The following AFF2 variants were observed in gnomAD, a reference collection of about 807,000 sequenced individuals.
The protein encoded by AFF2 is ALF transcription elongation factor 2, also known as AF4/FMR2 family member 2.
In AFF2, 14 loss-of-function variants were observed where a neutral mutation model predicts 76.9. That is an observed-to-expected ratio of 0.18 (90% confidence interval 0.12 to 0.28). The LOEUF is 0.28. Ranked by LOEUF, AFF2 falls within the 10% of genes least tolerant of loss-of-function variation. The pLI is 1.00. For synonymous variants in AFF2, 398 were observed against 366.7 expected (o/e 1.09, Z -0.98); for missense variants, 868 against 1,001.1 (o/e 0.87, Z 1.79).
intron 3 of AFF2, among the ~76,000 whole-genome samples, chrX:148,680,588 G>A (rs1394406202): frequency 8.9e-6 from 1 of 112,045 alleles, no homozygotes; most frequent in Non-Finnish European, 1.9e-5. Flanking sequence ...CTTATCATAT[G>A]CAGAGTATGG....
At position 148,662,426 on chromosome X, in the gene AFF2, C is replaced by A. The variant is rs2054316988; in HGVS notation, c.699C>A (p.Ile233=). Residue 233 remains isoleucine (I), a synonymous_variant, in exon 3 of 21, where the codon ATC becomes ATA. Coordinates refer to ENST00000370460, the MANE Select transcript of AFF2 (RefSeq NM_002025.4). ...GTGGAGAAGATGCTTTCAAAGAAATCTTTCAATCCAATTCACCGGAAGAAT... is the reference window on the plus strand; with the variant it reads ...GTGGAGAAGATGCTTTCAAAGAAATATTTCAATCCAATTCACCGGAAGAAT... ...NSSGEDAFKE[I]FQSNSPEESE... The A allele has an allele frequency of 1.7e-6, 2 of 1,210,388 alleles. No individual in the cohort carries two copies. Among genetic ancestry groups the A allele is most frequent in the African/African-American group, 3.5e-5 (2 of 57,291 alleles).
intron 1 of AFF2, among the ~76,000 whole-genome samples, chrX:148,613,440 T>G (rs2053753464): frequency 9.0e-6 from 1 of 111,534 alleles, no homozygotes; most frequent in African/African-American, 3.3e-5. Context: ...CTTCTTTGAT[T>G]AGGCAAAAAA....
At chrX:148,830,433 T>C (rs954776808) in intron 4 of AFF2, among the ~76,000 whole-genome samples, 7 of 112,104 alleles carry the variant, frequency 6.2e-5, no homozygotes, top group South Asian at 7.5e-4. Context: ...GGCCCATCTA[T>C]TGGGGGAACC....
intron 3 of AFF2, among the ~76,000 whole-genome samples, chrX:148,725,213 C>T (rs1442146912): frequency 1.8e-5 from 2 of 110,709 alleles, no homozygotes; most frequent in African/African-American, 6.6e-5. Context: ...CCCAAAAGCC[C>T]TACCCCCACA....
chrX:148,891,703 C>T (rs1456337861), intron 8 of AFF2, among the ~76,000 whole-genome samples: 2 of 111,163 alleles, frequency 1.8e-5, no homozygotes, highest in Non-Finnish European at 3.8e-5. Context: ...CCACAGGTAG[C>T]GGGATGGCTT....
In AFF2 at chrX:148,953,947, T is replaced by C. The variant is rs2240734; in HGVS notation, c.1557+208T>C. Among the ~76,000 whole-genome samples the C allele has an allele frequency of 4.4e-5, 5 of 112,766 alleles. No homozygotes were observed. In the East Asian group the frequency reaches 1.4e-3, roughly 31 times the overall value. ...TATATTCACATACTCCTAACATGCA[T>C]ACATTTTTTGCTGTGTGACTGATTT... On this transcript the variant is annotated intron_variant, in intron 10 of 20. Transcript: ENST00000370460.
At chrX:148,810,558 C>T (rs2070190492) in intron 4 of AFF2, among the ~76,000 whole-genome samples, 1 of 112,097 alleles carries the variant, frequency 8.9e-6, no homozygotes, top group African/African-American at 3.2e-5. Context: ...CATCATAAGG[C>T]AGTATGGAAT....
At chrX:148,678,690 G>C (rs1275869325) in intron 3 of AFF2, among the ~76,000 whole-genome samples, 3 of 111,842 alleles carry the variant, frequency 2.7e-5, no homozygotes, top group Non-Finnish European at 5.6e-5. Context: ...ACATATAAAA[G>C]TTCCTTAGTT....
At chrX:148,973,316 C>T (rs181719684) in intron 15 of AFF2, among the ~76,000 whole-genome samples, 155 bp from the exon 16 acceptor site, 1 of 111,994 alleles carries the variant, frequency 8.9e-6, no homozygotes, top group African/African-American at 3.2e-5. Context: ...ACCAGATGCC[C>T]CCTCTCCCCA....
At position 148,637,646 on chromosome X, in the gene AFF2, A is replaced by G. The variant is rs190161455; in HGVS notation, c.48-14353A>G. ...AATTAATACATTTTATTTTTACTCA[A>G]TGTATGCAAAATATTTCATAATGGT... On this transcript the variant is annotated intron_variant, in intron 1 of 20. Coordinates refer to ENST00000370460, the MANE Select transcript of AFF2 (RefSeq NM_002025.4). Among the ~76,000 whole-genome samples, 511 of 112,616 alleles carry G rather than the reference A, an allele frequency of 4.5e-3. 4 individuals are homozygous for G. The highest frequency in any genetic ancestry group is 0.016 in the African/African-American group (487 of 31,057).
chrX:148,840,711 G>T (rs1557274212), intron 5 of AFF2, among the ~76,000 whole-genome samples: 2 of 112,498 alleles, frequency 1.8e-5, no homozygotes, highest in Non-Finnish European at 3.8e-5. Context: ...AACAATTACT[G>T]TGAGAACTGT....
At chrX:148,858,669 A>G (rs2070812818) in intron 7 of AFF2, among the ~76,000 whole-genome samples, 1 of 111,489 alleles carries the variant, frequency 9.0e-6, no homozygotes, top group Non-Finnish European at 1.9e-5. Context: ...AACTAATAAT[A>G]AGTACTTGGA....
chrX:148,810,326 A>G (rs2070187730), intron 4 of AFF2, among the ~76,000 whole-genome samples: 1 of 112,072 alleles, frequency 8.9e-6, no homozygotes, highest in Non-Finnish European at 1.9e-5. Context: ...TAAGGGGAAG[A>G]GATGTGGGAA....
intron 12 of AFF2, among the ~76,000 whole-genome samples, chrX:148,962,114 A>G (rs782007891): frequency 9.7e-5 from 11 of 113,084 alleles, no homozygotes; most frequent in Admixed American, 6.5e-4. Context: ...GTACTTCAGT[A>G]TAACAATTTA....
At chrX:148,901,883 C>T (rs2071359533) in intron 8 of AFF2, among the ~76,000 whole-genome samples, 1 of 111,664 alleles carries the variant, frequency 9.0e-6, no homozygotes, top group Non-Finnish European at 1.9e-5. Flanking sequence ...TTGAGAGATT[C>T]AAGGTGATGA....
chrX:148,989,234 T>G (rs1336172221), intron 20 of AFF2, among the ~76,000 whole-genome samples: 1 of 112,808 alleles, frequency 8.9e-6, no homozygotes, highest in African/African-American at 3.2e-5. Flanking sequence ...TCTCTTATTT[T>G]GTATTAGTAA....
At chrX:148,900,537 C>T (rs922496179) in intron 8 of AFF2, among the ~76,000 whole-genome samples, 2 of 111,305 alleles carry the variant, frequency 1.8e-5, no homozygotes, top group Non-Finnish European at 3.8e-5. Context: ...CATTTAATTT[C>T]TCAAGATACC....
intron 1 of AFF2, among the ~76,000 whole-genome samples, chrX:148,531,404 T>G (rs532459825): frequency 8.9e-6 from 1 of 112,397 alleles, no homozygotes; most frequent in South Asian, 3.7e-4. Context: ...AGGAAAACAT[T>G]CAGCATTATG....
At chrX:148,781,964 A>C (rs1308504699) in intron 3 of AFF2, among the ~76,000 whole-genome samples, 2 of 111,155 alleles carry the variant, frequency 1.8e-5, no homozygotes, top group Non-Finnish European at 3.8e-5. Flanking sequence ...TTGCACTTCC[A>C]GGATGAGGCG....
Sources: gnomAD v4.1 joint callset for allele counts (sites outside exome capture counted in the v4.1 genomes callset) on GRCh38, gnomAD v4.1.1 for gene constraint, MANE v1.5 for transcripts, NCBI Gene and HGNC (gene_info 2026-07-23, HGNC 2026-07-21) for gene names.